Variants in CACNA1I observed in about 807,000 individuals in gnomAD.
CACNA1I encodes calcium voltage-gated channel subunit alpha1 I.
In CACNA1I, 74 loss-of-function variants were observed where a neutral mutation model predicts 201.6. The ratio of observed to expected loss-of-function variants is 0.37; its 90% CI spans 0.30 to 0.45. The LOEUF (loss-of-function observed/expected upper bound fraction) is 0.45, where lower values mean the gene tolerates loss of function less well. Ranked by LOEUF, CACNA1I falls within the 20% of genes least tolerant of loss-of-function variation. The pLI, the probability that CACNA1I is intolerant of heterozygous loss-of-function variation, is 1.00. For missense variants in CACNA1I, 2,346 were observed against 3,138.1 expected (o/e 0.75, Z 6.03); for synonymous variants, 1,431 against 1,345.2 (o/e 1.06, Z -1.40).
Position 39,646,665 on chromosome 22 carries a change from C to T in CACNA1I, c.1246C>T (p.Arg416Trp), listed in dbSNP as rs993634651. ...QREHRLMLEQ[R>W]QRYLSSSTVA... ...GGAGCACCGGCTGATGCTGGAGCAGCGGCAGCGCTACCTGTCCTCCAGCAC... is the reference window on the plus strand; with the variant it reads ...GGAGCACCGGCTGATGCTGGAGCAGTGGCAGCGCTACCTGTCCTCCAGCAC... The change falls in exon 8 of 37, where the codon CGG becomes TGG. Residue 416 changes from arginine (R) to tryptophan (W), a missense_variant. Around this residue, in one of 13 missense-constraint regions of CACNA1I, gnomAD observed 227 missense variants for 412.5 expected, o/e 0.55. Coordinates refer to ENST00000402142, the MANE Select transcript of CACNA1I (RefSeq NM_021096.4). 8 of 1,579,366 alleles carry T rather than the reference C, an allele frequency of 5.1e-6. No homozygotes were observed. Among genetic ancestry groups the T allele is most frequent in the African/African-American group, 2.7e-5 (2 of 74,054 alleles).
In CACNA1I at chr22:39,659,887, A is replaced by G. The variant is rs764714732; in HGVS notation, c.2604+35A>G. 3.7e-6 allele frequency: 6 copies of G among 1,612,892 alleles called. No individual in the cohort carries two copies. In the South Asian group the frequency reaches 5.5e-5, roughly 15 times the overall value. On this transcript the variant is annotated intron_variant, in intron 14 of 36. Transcript: ENST00000402142. This position sits in a 1 kb window ranked among gnomAD's most constrained non-coding sequence, Gnocchi z 4.3. ...GTCTTGGCAGAGGAAGCACCCCCAC[A>G]GGGTCTGCGAAAGACTGGGCGAGGG...
At chr22:39,583,897 T>C (rs1455060043) in intron 1 of CACNA1I, among the ~76,000 whole-genome samples, 1 of 152,174 alleles carries the variant, frequency 6.6e-6, no homozygotes, top group East Asian at 1.9e-4. Context: ...GCCCTGCACA[T>C]AGTAGGTGTG....
In CACNA1I at chr22:39,661,245, G is replaced by T. The variant is rs1430302349; in HGVS notation, c.2836G>T (p.Ala946Ser). 3.1e-6 allele frequency: 5 copies of T among 1,610,768 alleles called. No homozygotes were observed. The highest frequency in any genetic ancestry group is 3.4e-6 in the Non-Finnish European group (4 of 1,178,648). The change falls in exon 16 of 37, where the codon GCC becomes TCC. Residue 946 changes from alanine (A) to serine (S), a missense_variant. Transcript: ENST00000402142. Reference protein sequence around the residue: ...LSLQPDPMLVALGSRKSSVMS... With the variant: ...LSLQPDPMLVSLGSRKSSVMS... The stretch of plus-strand genomic sequence containing the variant: ...ACTGCAGCCGGACCCCATGCTGGTG[G>T]CCCTGGGCTCCCGAAAGAGCAGTGT...
chr22:39,673,437 C>T (rs1347049640), intron 28 of CACNA1I, among the ~76,000 whole-genome samples: 4 of 152,208 alleles, frequency 2.6e-5, no homozygotes, highest in Non-Finnish European at 4.4e-5. Context: ...TCCAGTTCCT[C>T]GCTGGCATTT....
At chr22:39,630,186 G>C (rs1366323093) in intron 4 of CACNA1I, among the ~76,000 whole-genome samples, 1 of 151,968 alleles carries the variant, frequency 6.6e-6, no homozygotes, top group East Asian at 1.9e-4. Context: ...GCATCATCCT[G>C]CCTTTCCTGG....
At chr22:39,591,293 C>G (rs1278115270) in intron 1 of CACNA1I, among the ~76,000 whole-genome samples, 3 of 151,682 alleles carry the variant, frequency 2.0e-5, no homozygotes, top group Non-Finnish European at 4.4e-5. Context: ...TCCTGAGTAG[C>G]TGGGATTACA....
chr22:39,578,857 T>G (rs768351420), intron 1 of CACNA1I, among the ~76,000 whole-genome samples: 14 of 152,302 alleles, frequency 9.2e-5, no homozygotes, highest in Admixed American at 3.3e-4. Flanking sequence ...CCCAGCCAGC[T>G]GCTGAGGCTT....
At chr22:39,623,899 TGC>T (rs1472080378) in intron 4 of CACNA1I, among the ~76,000 whole-genome samples, 6 of 144,672 alleles carry the variant, frequency 4.1e-5, no homozygotes, top group African/African-American at 1.3e-4. Context: ...AGTGTGTGTG[TGC>T]GCCTGTGAGG....
chr22:39,628,783 T>C lies in CACNA1I; in HGVS notation c.581-5782T>C, dbSNP rs1056591617. Among the ~76,000 whole-genome samples the C allele has an allele frequency of 2.6e-5, 4 of 152,076 alleles. No individual in the cohort carries two copies. In the East Asian group the frequency reaches 5.8e-4, roughly 22 times the overall value. On this transcript the variant is annotated intron_variant, in intron 4 of 36. Transcript: ENST00000402142. Reference sequence around the variant, plus strand: ...CCAGCCCCTTTACTGACCTGGCCAGTCCAGGGAGAGTGGCCCCCAGTGGCC... The same window carrying C: ...CCAGCCCCTTTACTGACCTGGCCAGCCCAGGGAGAGTGGCCCCCAGTGGCC...
rs58500586 is a variant in CACNA1I, at chr22:39,663,823, G to C, written c.3579G>C (p.Gln1193His). ...NCITIALERP[Q>H]IEAGSTERIF... The stretch of plus-strand genomic sequence containing the variant: ...TCACCATCGCCCTGGAGCGGCCTCA[G>C]ATCGAGGCCGGCAGCACCGTGAGTG... The change falls in exon 19 of 37, where the codon CAG becomes CAC. Residue 1193 changes from glutamine to histidine, a missense_variant. This residue lies in a region of CACNA1I where 158 missense variants were observed against 231.6 expected (regional missense o/e 0.68). Transcript: ENST00000402142. 6,306 of 1,613,676 alleles carry C rather than the reference G, an allele frequency of 3.9e-3. 38 individuals carry two copies. The highest frequency in any genetic ancestry group is 4.0e-3 in the Non-Finnish European group (4,696 of 1,179,810).
chr22:39,591,570 T>G (rs1488350054), intron 1 of CACNA1I, among the ~76,000 whole-genome samples: 1 of 152,074 alleles, frequency 6.6e-6, no homozygotes, highest in Non-Finnish European at 1.5e-5. Flanking sequence ...TCTTTTTTTT[T>G]GTTTTTGAGA....
chr22:39,681,768 G>C (rs1935714317), intron 34 of CACNA1I, among the ~76,000 whole-genome samples: 1 of 152,076 alleles, frequency 6.6e-6, no homozygotes, highest in Non-Finnish European at 1.5e-5. Context: ...CCCTGGGCTT[G>C]GTACCTCTGC....
rs758828104 is a variant in CACNA1I at position 39,660,446 on chromosome 22, GCCCT to G, written c.2698+11_2698+14del. On this transcript the variant is annotated intron_variant, in intron 15 of 36. Coordinates refer to ENST00000402142, the MANE Select transcript of CACNA1I (RefSeq NM_021096.4). ...CCTGGACAGCAGCGGAGGTAAACAG[GCCCT>G]CGCTTGTCACCTAGAGAGCCCAGAG... The G allele has an allele frequency of 6.2e-7, 1 of 1,601,126 alleles. No homozygotes were observed. Among genetic ancestry groups the G allele is most frequent in the Non-Finnish European group, 8.5e-7 (1 of 1,171,650 alleles).
At chr22:39,585,541 C>G (rs1932720859) in intron 1 of CACNA1I, among the ~76,000 whole-genome samples, 1 of 150,172 alleles carries the variant, frequency 6.7e-6, no homozygotes, top group South Asian at 2.1e-4. Flanking sequence ...AGGTCTGAGC[C>G]ACCACGCCCA....
At chr22:39,623,581 AGT>A (rs779810147) in intron 4 of CACNA1I, among the ~76,000 whole-genome samples, 27 of 115,052 alleles carry the variant, frequency 2.3e-4, no homozygotes, top group Non-Finnish European at 4.6e-4. Context: ...TGCCTGTGAG[AGT>A]GTTTGCTGTG....
At chr22:39,606,205 T>C (rs5757747) in intron 3 of CACNA1I, among the ~76,000 whole-genome samples, 152,290 of 152,290 alleles carry the variant, frequency 1, 76,145 homozygotes, top group Non-Finnish European at 1. Flanking sequence ...TGCCCTCGCC[T>C]CAGTGAAGTG....
chr22:39,667,274 T>G (rs1202076782), intron 23 of CACNA1I, among the ~76,000 whole-genome samples: 1 of 152,192 alleles, frequency 6.6e-6, no homozygotes, highest in Non-Finnish European at 1.5e-5. Context: ...TCTGGATACC[T>G]TTGGCACCAT....
intron 28 of CACNA1I, 52 bp from the exon 29 acceptor site, chr22:39,673,911 C>G: frequency 1.3e-6 from 2 of 1,567,430 alleles, no homozygotes; most frequent in South Asian, 1.1e-5. Context: ...CGTGCACACA[C>G]ACGTCCCCAC....
chr22:39,672,854 G>A (rs1935411295), intron 27 of CACNA1I, 95 bp from the exon 28 acceptor site: 1 of 1,376,202 alleles, frequency 7.3e-7, no homozygotes. Context: ...ACAATAGAAG[G>A]GTCAGGACCT....
Sources: gnomAD v4.1 joint callset for allele counts (sites outside exome capture counted in the v4.1 genomes callset) on GRCh38, gnomAD v4.1.1 for gene constraint, gnomAD v4.1.1 regional missense constraint, Gnocchi (gnomAD v3.1) non-coding constraint, MANE v1.5 for transcripts, NCBI Gene and HGNC (gene_info 2026-07-23, HGNC 2026-07-21) for gene names.